Variants in KCNA6 observed in about 807,000 individuals in gnomAD.
KCNA6 encodes the protein potassium voltage-gated channel subfamily A member 6, also known as human brain potassium channel-2.
KCNA6 carries 17 observed loss-of-function variants against 29.5 expected under a neutral mutation model. The observed-to-expected ratio is 0.58, with a 90% CI of 0.39 to 0.86. The LOEUF is 0.86. Among genes scored for constraint, KCNA6 ranks in the 40% least tolerant of loss-of-function variants. The probability of loss-of-function intolerance (pLI) is 0.00; values close to 1 mark genes in which losing one functional copy is unlikely to be tolerated. For missense variants in KCNA6, 450 were observed against 703.4 expected (o/e 0.64, Z 4.07); for synonymous variants, 296 against 304.7 (o/e 0.97, Z 0.30).
At chr12:4,831,835 G>A in the KCNA6 span, among the ~76,000 whole-genome samples, 187 of 152,230 alleles carry the variant, frequency 1.2e-3, 1 homozygote, top group African/African-American at 4.4e-3. Flanking sequence ...GTATCAGACT[G>A]ATCTGGGCTC....
At chr12:4,849,953 C>T in the KCNA6 span, among the ~76,000 whole-genome samples, 86,607 of 152,106 alleles carry the variant, frequency 0.57, 25,024 homozygotes, top group Admixed American at 0.64. Flanking sequence ...CAGAGACACA[C>T]GCATTGTGTC....
At chr12:4,820,173 A>G in the KCNA6 span, among the ~76,000 whole-genome samples, 2 of 152,274 alleles carry the variant, frequency 1.3e-5, no homozygotes, top group African/African-American at 4.8e-5. Context: ...CAGAGGATTC[A>G]CAGCAGAATT....
At chr12:4,835,682 C>G in the KCNA6 span, among the ~76,000 whole-genome samples, 1 of 152,134 alleles carries the variant, frequency 6.6e-6, no homozygotes, top group Non-Finnish European at 1.5e-5. Flanking sequence ...AGGAAACTCT[C>G]TCCCACCTGG....
In KCNA6 at chr12:4,810,248, C is replaced by T; in HGVS notation, c.207C>T (p.Asp69=). 6.2e-7 allele frequency: 1 copy of T among 1,613,990 alleles called. No homozygotes were observed. The highest frequency in any genetic ancestry group is 1.1e-5 in the South Asian group (1 of 91,074). The stretch of plus-strand genomic sequence containing the variant: ...TGTTTCCGGACACGCTGCTCGGAGA[C>T]CCTGGCCGGCGAGTCCGCTTCTTCG... The change falls in exon 1 of 1, where the codon GAC becomes GAT. Residue 69 remains aspartate, a synonymous_variant. Coordinates refer to ENST00000280684, the Ensembl canonical transcript of KCNA6. This position sits in a 1 kb window ranked among gnomAD's most constrained non-coding sequence, Gnocchi z 7.5.
rs1946631802 is a variant in KCNA6 at position 4,811,576 on chromosome 12, A to G, written c.1535A>G (p.Tyr512Cys). The G allele has an allele frequency of 6.2e-7, 1 of 1,614,032 alleles. No individual in the cohort carries two copies. The highest frequency in any genetic ancestry group is 8.5e-7 in the Non-Finnish European group (1 of 1,180,024). ...GCTAACCGGGAACGGAGACCCAGCT[A>G]CCTTCCTACACCACATCGGGCCTAT... The change falls in exon 1 of 1, where the codon TAC becomes TGC. Residue 512 changes from tyrosine (Y) to cysteine (C), a missense_variant. By Grantham distance (194) the Tyr-to-Cys change is radical (BLOSUM62 -2). Coordinates refer to ENST00000280684, the Ensembl canonical transcript of KCNA6. This position sits in a 1 kb window ranked among gnomAD's most constrained non-coding sequence, Gnocchi z 7.1.
the KCNA6 span, among the ~76,000 whole-genome samples, chr12:4,821,203 A>G: frequency 5.3e-5 from 8 of 152,204 alleles, no homozygotes; most frequent in Non-Finnish European, 1.0e-4. Flanking sequence ...TGGTTGAGCC[A>G]TAAATCAGCC....
the KCNA6 span, among the ~76,000 whole-genome samples, chr12:4,818,917 C>CACAT: frequency 4.6e-5 from 7 of 151,882 alleles, no homozygotes; most frequent in Non-Finnish European, 7.4e-5. Flanking sequence ...TACATACATA[C>CACAT]ACATACATAC....
downstream of KCNA6, among the ~76,000 whole-genome samples, chr12:4,816,969 G>A (rs990703258): frequency 2.0e-5 from 3 of 152,004 alleles, no homozygotes; most frequent in African/African-American, 7.3e-5. Context: ...TCTCCTCTCC[G>A]CTGGCTGAGC....
At chr12:4,842,200 T>C in the KCNA6 span, among the ~76,000 whole-genome samples, 1 of 152,154 alleles carries the variant, frequency 6.6e-6, no homozygotes, top group Non-Finnish European at 1.5e-5. Flanking sequence ...TTTAACTCAA[T>C]GACATTTTAG....
chr12:4,823,845 C>T, the KCNA6 span, among the ~76,000 whole-genome samples: 5,441 of 152,290 alleles, frequency 0.036, 109 homozygotes, highest in South Asian at 0.045. Flanking sequence ...TTACTGCATG[C>T]AGACTGTAAG....
chr12:4,815,111 GT>G, downstream of KCNA6, among the ~76,000 whole-genome samples: 1 of 151,338 alleles, frequency 6.6e-6, no homozygotes, highest in South Asian at 2.1e-4. Context: ...CTTTCTTCTG[GT>G]TTTCCCCCTC....
At chr12:4,848,660 G>C in the KCNA6 span, among the ~76,000 whole-genome samples, 1 of 151,952 alleles carries the variant, frequency 6.6e-6, no homozygotes, top group African/African-American at 2.4e-5. Context: ...TCGGCCTGCC[G>C]AGTAGCTGGG....
rs774363481 is a variant in KCNA6, at chr12:4,811,502, G to T, written c.1461G>T (p.Pro487=). 2 of 1,614,056 alleles carry T rather than the reference G, an allele frequency of 1.2e-6. No homozygotes were observed. The highest frequency in any genetic ancestry group is 1.7e-6 in the Non-Finnish European group (2 of 1,180,036). Residue 487 remains proline, a synonymous_variant, in exon 1 of 1, where the codon CCG becomes CCT. Transcript: ENST00000280684. This position sits in a 1 kb window ranked among gnomAD's most constrained non-coding sequence, Gnocchi z 7.1. Reference sequence around the variant, plus strand: ...ACGTCACTTGTGGGCAGCCTGCGCCGGACCTGAGGGCAACTGACAACGGAC... The same window carrying T: ...ACGTCACTTGTGGGCAGCCTGCGCCTGACCTGAGGGCAACTGACAACGGAC...
chr12:4,833,555 G>T, the KCNA6 span, among the ~76,000 whole-genome samples: 1 of 152,316 alleles, frequency 6.6e-6, no homozygotes, highest in South Asian at 2.1e-4. Context: ...CATTGCCAAG[G>T]GCAGGTGGAG....
the KCNA6 span, among the ~76,000 whole-genome samples, chr12:4,832,986 T>G: frequency 6.6e-6 from 1 of 152,112 alleles, no homozygotes; most frequent in Non-Finnish European, 1.5e-5. Flanking sequence ...GCCATTTTCT[T>G]GAAGGCAGGG....
the KCNA6 span, among the ~76,000 whole-genome samples, chr12:4,820,562 CA>C: frequency 6.6e-6 from 1 of 151,146 alleles, no homozygotes; most frequent in Non-Finnish European, 1.5e-5. Flanking sequence ...CACACACACA[CA>C]CACACACACA....
chr12:4,844,977 A>G, the KCNA6 span, among the ~76,000 whole-genome samples: 52 of 152,190 alleles, frequency 3.4e-4, no homozygotes, highest in Admixed American at 1.2e-3. This position sits in a 1 kb window ranked among gnomAD's most constrained non-coding sequence, Gnocchi z 4.0. Flanking sequence ...CCCTCTAAAC[A>G]TGGTTTTCTA....
chr12:4,837,991 A>G, the KCNA6 span, among the ~76,000 whole-genome samples: 1 of 152,090 alleles, frequency 6.6e-6, no homozygotes, highest in Admixed American at 6.5e-5. Context: ...CCGCTCTCCA[A>G]GTGTTCCACT....
At chr12:4,809,896 C>A (rs1946604548) in exon 1 of KCNA6, 5 of 927,866 alleles carry the variant, frequency 5.4e-6, no homozygotes, top group Non-Finnish European at 1.6e-6. Flanking sequence ...CTCACGGACC[C>A]AACGGCCAGG....
Sources: allele counts gnomAD v4.1 joint callset (sites outside exome capture counted in the v4.1 genomes callset), GRCh38; gene constraint gnomAD v4.1.1; non-coding constraint Gnocchi (gnomAD v3.1); transcripts MANE v1.5; gene names NCBI Gene and HGNC (gene_info 2026-07-23, HGNC 2026-07-21).